Variants in QKI observed in about 807,000 individuals in gnomAD.
QKI encodes KH domain-containing RNA-binding protein QKI.
A neutral mutation model predicts 39.0 loss-of-function variants in QKI; 10 were observed. That is an observed-to-expected ratio of 0.26 (90% CI 0.16 to 0.43). QKI has a LOEUF of 0.43. Ranked by LOEUF, QKI falls within the 20% of genes least tolerant of loss-of-function variation. QKI has a pLI of 1.00. For missense variants in QKI, 218 were observed against 428.0 expected (o/e 0.51, Z 4.33); for synonymous variants, 204 against 155.4 (o/e 1.31, Z -2.33).
At chr6:163,539,677 G>C (rs1053153880) in intron 4 of QKI, among the ~76,000 whole-genome samples, 5 of 152,136 alleles carry the variant, frequency 3.3e-5, no homozygotes, top group Admixed American at 6.5e-5. Flanking sequence ...TATACTTGAA[G>C]GGTAAGTCTC....
chr6:163,452,925 A>G (rs1184609477), intron 1 of QKI, among the ~76,000 whole-genome samples: 1 of 152,026 alleles, frequency 6.6e-6, no homozygotes, highest in Non-Finnish European at 1.5e-5. Context: ...ACGGGGTTTC[A>G]CTATGTTGGC....
chr6:163,470,382 T>C (rs972718018), intron 2 of QKI, among the ~76,000 whole-genome samples: 7 of 152,126 alleles, frequency 4.6e-5, no homozygotes, highest in Non-Finnish European at 7.4e-5. Flanking sequence ...TCTATCTCAG[T>C]AAGTGAAATT....
intron 3 of QKI, among the ~76,000 whole-genome samples, chr6:163,496,176 C>A (rs1475010913): frequency 6.6e-6 from 1 of 152,152 alleles, no homozygotes; most frequent in African/African-American, 2.4e-5. Context: ...TAGAGTCTCT[C>A]TCCTTGACTT....
chr6:163,490,324 T>C (rs1777977369), intron 3 of QKI, among the ~76,000 whole-genome samples: 1 of 152,208 alleles, frequency 6.6e-6, no homozygotes, highest in African/African-American at 2.4e-5. Context: ...AGCAGTTATG[T>C]TTTTGAATGC....
Position 163,515,024 on chromosome 6 carries a change from A to G in QKI, c.403-19958A>G, listed in dbSNP as rs187586125. Among the ~76,000 whole-genome samples, 232 of 152,344 alleles carry G rather than the reference A, an allele frequency of 1.5e-3. 1 individual carries two copies. The highest frequency in any genetic ancestry group is 3.8e-3 in the Admixed American group (58 of 15,310). ...TGTGTATATTTAGAATTTATTAAAA[A>G]TTCATTCAAAAACAATTTTAAAAGA... On this transcript the variant is annotated intron_variant, in intron 3 of 7. Transcript: ENST00000361752.
At chr6:163,458,073 GT>G (rs1791062888) in intron 2 of QKI, among the ~76,000 whole-genome samples, 1 of 152,124 alleles carries the variant, frequency 6.6e-6, no homozygotes, top group South Asian at 2.1e-4. Context: ...CTTGGGAAGT[GT>G]TGTAAGATGT....
intron 2 of QKI, among the ~76,000 whole-genome samples, chr6:163,458,492 A>C (rs943576627): frequency 6.6e-6 from 1 of 152,226 alleles, no homozygotes; most frequent in African/African-American, 2.4e-5. Flanking sequence ...TATTTGTATG[A>C]AACTCATTCT....
rs149172534 is a variant in QKI at position 163,483,975 on chromosome 6, A to G, written c.402+5079A>G. On this transcript the variant is annotated intron_variant, in intron 3 of 7. Coordinates refer to ENST00000361752, the MANE Select transcript of QKI (RefSeq NM_006775.3). ...CCTTGATCCATGGGTTACAGAATGA[A>G]TGTTGTGTTAGCAGGAGTGAAAACA... is the stretch of plus-strand genomic sequence containing the variant. Among the ~76,000 whole-genome samples the G allele has an allele frequency of 2.0e-3, 300 of 152,352 alleles. 1 individual carries two copies. Among genetic ancestry groups the G allele is most frequent in the African/African-American group, 7.0e-3 (292 of 41,580 alleles).
intron 3 of QKI, among the ~76,000 whole-genome samples, chr6:163,528,399 G>A (rs774736097): frequency 1.3e-5 from 2 of 152,110 alleles, no homozygotes; most frequent in East Asian, 1.9e-4. Context: ...GTTGTGCTAG[G>A]AATTAGTTGT....
At chr6:163,554,103 C>T (rs1782435511) in intron 4 of QKI, among the ~76,000 whole-genome samples, 1 of 152,166 alleles carries the variant, frequency 6.6e-6, no homozygotes, top group Admixed American at 6.5e-5. Flanking sequence ...CTCTCAGCTA[C>T]TTCAAGAACC....
At chr6:163,566,660 A>T in intron 6 of QKI, 61 bp from the exon 7 acceptor site, 2 of 1,593,250 alleles carry the variant, frequency 1.3e-6, no homozygotes, top group South Asian at 1.1e-5. Flanking sequence ...CCTGCTGTTA[A>T]TGTTTTTTCC....
At chr6:163,513,543 T>C (rs937777363) in intron 3 of QKI, among the ~76,000 whole-genome samples, 1 of 152,202 alleles carries the variant, frequency 6.6e-6, no homozygotes, top group African/African-American at 2.4e-5. Flanking sequence ...GTGAAATTAA[T>C]TAGTGAATGC....
chr6:163,499,648 A>G (rs965944514), intron 3 of QKI, among the ~76,000 whole-genome samples: 1 of 152,124 alleles, frequency 6.6e-6, no homozygotes, highest in Admixed American at 6.6e-5. Flanking sequence ...TGTGTTGTCA[A>G]TCCTGTCCTC....
At chr6:163,417,188 C>T (rs193279300) in intron 1 of QKI, among the ~76,000 whole-genome samples, 33 of 152,098 alleles carry the variant, frequency 2.2e-4, no homozygotes, top group African/African-American at 8.0e-4. Flanking sequence ...CTCTTACTGT[C>T]TTCTCCTTGG....
intron 3 of QKI, among the ~76,000 whole-genome samples, chr6:163,498,734 T>G (rs946834320): frequency 6.6e-6 from 1 of 152,178 alleles, no homozygotes; most frequent in African/African-American, 2.4e-5. Flanking sequence ...ATTCTAGATA[T>G]TTGACAGGTT....
chr6:163,476,671 C>T (rs1583056701), intron 2 of QKI, among the ~76,000 whole-genome samples: 1 of 152,172 alleles, frequency 6.6e-6, no homozygotes, highest in Non-Finnish European at 1.5e-5. Context: ...ATTAGTTCCA[C>T]CTTTTCATTC....
At chr6:163,452,331 T>C (rs183018660) in intron 1 of QKI, among the ~76,000 whole-genome samples, 1 of 151,530 alleles carries the variant, frequency 6.6e-6, no homozygotes. Flanking sequence ...TTCCCATCAT[T>C]ACTATCTTAT....
At position 163,561,881 on chromosome 6, in the gene QKI, T is replaced by A. The variant is rs183226000; in HGVS notation, c.547-101T>A. On this transcript the variant is annotated intron_variant, in intron 4 of 7. Coordinates refer to ENST00000361752, the MANE Select transcript of QKI (RefSeq NM_006775.3). ...TTTTCCCCTTATTAAAACAGGTGAC[T>A]GTAGTCACATGATACTTACTTTAAG... 4.4e-4 allele frequency: 359 copies of A among 807,374 alleles called. 5 individuals are homozygous for A. The East Asian group carries it at 9.4e-3, about 21-fold the overall frequency. The allele number at this position is 807,374 out of a possible 1,614,324, so 50.0% of individuals were successfully genotyped here.
At chr6:163,472,733 A>T (rs1429108788) in intron 2 of QKI, among the ~76,000 whole-genome samples, 1 of 152,190 alleles carries the variant, frequency 6.6e-6, no homozygotes, top group South Asian at 2.1e-4. Context: ...ACAGGAAATT[A>T]TATGTTGAAA....
Sources: gnomAD v4.1 joint callset for allele counts (sites outside exome capture counted in the v4.1 genomes callset) on GRCh38, gnomAD v4.1.1 for gene constraint, MANE v1.5 for transcripts, NCBI Gene and HGNC (gene_info 2026-07-23, HGNC 2026-07-21) for gene names.